Variants in PHLPP1 observed in about 807,000 individuals in gnomAD.
The protein encoded by PHLPP1 is PH domain and leucine rich repeat protein phosphatase 1, also known as PH domain leucine-rich repeat-containing protein phosphatase 1.
A neutral mutation model predicts 117.2 loss-of-function variants in PHLPP1; 42 were observed. The ratio of observed to expected loss-of-function variants is 0.36; its 90% CI spans 0.28 to 0.46. PHLPP1 has a LOEUF of 0.46. PHLPP1 is among the 20% of genes least tolerant of loss of function. PHLPP1 has a pLI of 1.00. For synonymous variants in PHLPP1, 1,042 were observed against 970.7 expected (o/e 1.07, Z -1.37); for missense variants, 2,084 against 2,241.9 (o/e 0.93, Z 1.42).
At chr18:62,965,900 A>G (rs1453600718) in intron 14 of PHLPP1, among the ~76,000 whole-genome samples, 1 of 151,582 alleles carries the variant, frequency 6.6e-6, no homozygotes, top group Non-Finnish European at 1.5e-5. Flanking sequence ...CTTTCATACT[A>G]CCTCATTCCA....
intron 1 of PHLPP1, among the ~76,000 whole-genome samples, chr18:62,720,982 C>T (rs534454284): frequency 3.3e-5 from 5 of 152,204 alleles, no homozygotes; most frequent in African/African-American, 1.2e-4. Flanking sequence ...CTCGGGAGGG[C>T]GGAGAATAGA....
intron 1 of PHLPP1, among the ~76,000 whole-genome samples, chr18:62,814,940 A>C (rs1914222496): frequency 6.6e-6 from 1 of 152,194 alleles, no homozygotes; most frequent in South Asian, 2.1e-4. Flanking sequence ...TAGTAGTTTA[A>C]AACACCAAAC....
intron 14 of PHLPP1, among the ~76,000 whole-genome samples, chr18:62,967,888 G>A (rs112572838): frequency 0.11 from 17,299 of 150,796 alleles, 1,084 homozygotes; most frequent in Middle Eastern, 0.2. Context: ...GCAATGGCAC[G>A]ATCTCGGTTC....
chr18:62,832,029 C>A (rs1050422718), intron 2 of PHLPP1: 1 of 152,174 alleles, frequency 6.6e-6, no homozygotes, highest in African/African-American at 2.4e-5. Flanking sequence ...TGTATTACCA[C>A]TATAGGTTAT....
chr18:62,843,142 C>A (rs1480347545), intron 3 of PHLPP1: 1 of 152,076 alleles, frequency 6.6e-6, no homozygotes, highest in Non-Finnish European at 1.5e-5. Flanking sequence ...AGTTTCTTTT[C>A]TTCATATTGA....
intron 1 of PHLPP1, among the ~76,000 whole-genome samples, chr18:62,800,875 A>C (rs1011690352): frequency 3.3e-5 from 5 of 152,042 alleles, no homozygotes; most frequent in African/African-American, 1.2e-4. Context: ...ATCTCTTGTC[A>C]CTGTTGGTGG....
chr18:62,873,254 A>G (rs912469579), intron 4 of PHLPP1, among the ~76,000 whole-genome samples: 2 of 152,180 alleles, frequency 1.3e-5, no homozygotes, highest in Non-Finnish European at 2.9e-5. Context: ...AACTTTGTCC[A>G]TGGTACTTGG....
intron 1 of PHLPP1, among the ~76,000 whole-genome samples, chr18:62,745,562 C>T (rs1911651692): frequency 6.6e-6 from 1 of 152,128 alleles, no homozygotes; most frequent in African/African-American, 2.4e-5. Context: ...TGGGTGCCTT[C>T]ACATAGTGCA....
rs370557954 is a variant in PHLPP1, at chr18:62,971,933, G to T, written c.3561-581G>T. Among the ~76,000 whole-genome samples, 29 of 152,192 alleles carry T rather than the reference G, an allele frequency of 1.9e-4. No individual in the cohort carries two copies. The East Asian group carries it at 2.9e-3, about 15-fold the overall frequency. On this transcript the variant is annotated intron_variant, in intron 14 of 16. Transcript: ENST00000262719. The stretch of plus-strand genomic sequence containing the variant: ...CTCCTGTAGTCCTAGCTACTCAGGA[G>T]GCTGAGGTGGGAGAATCGCTTGAGC...
At chr18:62,717,930 C>T (rs1910811177) in intron 1 of PHLPP1, among the ~76,000 whole-genome samples, 1 of 152,148 alleles carries the variant, frequency 6.6e-6, no homozygotes, top group African/African-American at 2.4e-5. Flanking sequence ...CTCTCATTTT[C>T]TTCCAGCCTT....
intron 1 of PHLPP1, among the ~76,000 whole-genome samples, chr18:62,816,712 A>G (rs917236054): frequency 2.0e-5 from 3 of 152,146 alleles, no homozygotes; most frequent in African/African-American, 7.2e-5. Flanking sequence ...TTTTACTATT[A>G]TCAGTGGCAA....
chr18:62,943,524 G>A (rs1910190560), intron 11 of PHLPP1, among the ~76,000 whole-genome samples: 1 of 152,148 alleles, frequency 6.6e-6, no homozygotes, highest in South Asian at 2.1e-4. Context: ...GGCACACAAG[G>A]GCTGGCATCT....
intron 6 of PHLPP1, 108 bp from the exon 7 acceptor site, chr18:62,902,856 A>C: frequency 1.5e-6 from 1 of 687,896 alleles, no homozygotes; most frequent in Non-Finnish European, 2.5e-6. Context: ...ATGGAGAACT[A>C]TAATACAGAG....
At chr18:62,766,341 A>G (rs1322975057) in intron 1 of PHLPP1, among the ~76,000 whole-genome samples, 1 of 151,308 alleles carries the variant, frequency 6.6e-6, no homozygotes, top group Non-Finnish European at 1.5e-5. Flanking sequence ...ATTCACTGGG[A>G]TAATACTCCT....
At chr18:62,767,934 G>T (rs1912605634) in intron 1 of PHLPP1, among the ~76,000 whole-genome samples, 2 of 152,180 alleles carry the variant, frequency 1.3e-5, no homozygotes, top group Admixed American at 6.5e-5. Flanking sequence ...GCAGTATTTG[G>T]CTGGCACTTA....
At chr18:62,737,676 A>G (rs1292125560) in intron 1 of PHLPP1, among the ~76,000 whole-genome samples, 4 of 152,156 alleles carry the variant, frequency 2.6e-5, no homozygotes, top group Admixed American at 6.6e-5. Context: ...TGTCATTCCA[A>G]AAAGGGAGGT....
intron 14 of PHLPP1, among the ~76,000 whole-genome samples, chr18:62,971,234 T>C (rs1911040922): frequency 1.3e-5 from 2 of 152,194 alleles, no homozygotes; most frequent in African/African-American, 4.8e-5. Flanking sequence ...ATTTTCTTCA[T>C]ATTGGAAATG....
At chr18:62,958,498 C>A in intron 12 of PHLPP1, 131 bp from the exon 13 acceptor site, 1 of 791,228 alleles carries the variant, frequency 1.3e-6, no homozygotes, top group Non-Finnish European at 1.9e-6. Context: ...GATAAGCCTC[C>A]TTTTCCACAT....
chr18:62,810,333 G>T (rs950669259), intron 1 of PHLPP1, among the ~76,000 whole-genome samples: 1 of 152,178 alleles, frequency 6.6e-6, no homozygotes, highest in African/African-American at 2.4e-5. Context: ...AGAAGTGCTT[G>T]ATCTCAGGTA....
Sources: allele counts gnomAD v4.1 joint callset (sites outside exome capture counted in the v4.1 genomes callset), GRCh38; gene constraint gnomAD v4.1.1; transcripts MANE v1.5; gene names NCBI Gene and HGNC (gene_info 2026-07-23, HGNC 2026-07-21).